The following RNGTT variants were observed in gnomAD, a reference collection of about 807,000 sequenced individuals.
RNGTT encodes RNA guanylyltransferase and 5'-phosphatase.
Under a neutral mutation model 79.3 loss-of-function variants are expected in RNGTT, and 33 were observed. The observed-to-expected ratio is 0.42, with a 90% CI of 0.32 to 0.56. The LOEUF is 0.56. Among genes scored for constraint, RNGTT ranks in the 20% least tolerant of loss-of-function variants. The pLI is 0.17. For missense variants in RNGTT, 497 were observed against 739.1 expected (o/e 0.67, Z 3.80); for synonymous variants, 222 against 235.9 (o/e 0.94, Z 0.54).
intron 12 of RNGTT, among the ~76,000 whole-genome samples, chr6:88,771,344 TATATATACAC>T (rs1215325397): frequency 2.1e-4 from 27 of 131,250 alleles, no homozygotes; most frequent in African/African-American, 6.4e-4. Flanking sequence ...TATATATATA[TATATATACAC>T]ACACACACAC....
chr6:88,660,549 T>TAAAAAAA (rs139978224), intron 14 of RNGTT, among the ~76,000 whole-genome samples: 3 of 144,220 alleles, frequency 2.1e-5, no homozygotes, highest in Non-Finnish European at 3.0e-5. Flanking sequence ...GCAACAATGG[T>TAAAAAAA]AAAAAAAAAG....
Position 88,700,643 on chromosome 6 carries a change from C to T in RNGTT, c.1440-22224G>A, listed in dbSNP as rs531984997. Among the ~76,000 whole-genome samples the T allele has an allele frequency of 1.4e-3, 213 of 152,184 alleles. 1 individual carries two copies. Among genetic ancestry groups the T allele is most frequent in the African/African-American group, 4.7e-3 (194 of 41,538 alleles). On this transcript the variant is annotated intron_variant, in intron 13 of 15. Coordinates refer to ENST00000369485, the MANE Select transcript of RNGTT (RefSeq NM_003800.5). ...GTAATCCATCCTAAGAGAGATGATT[C>T]ATAAATGGGGATTTCTAGGACCTTT... is the stretch of plus-strand genomic sequence containing the variant.
chr6:88,745,810 T>C (rs1777642021), intron 13 of RNGTT, among the ~76,000 whole-genome samples: 1 of 152,134 alleles, frequency 6.6e-6, no homozygotes, highest in Non-Finnish European at 1.5e-5. Flanking sequence ...GCCCTGGCTT[T>C]CAAAATAATA....
chr6:88,768,693 C>T (rs2127841398), intron 13 of RNGTT, among the ~76,000 whole-genome samples: 1 of 152,266 alleles, frequency 6.6e-6, no homozygotes, highest in African/African-American at 2.4e-5. Context: ...CTTTCTCTTT[C>T]TGATTTCCTT....
At chr6:88,931,267 G>A (rs1008476590) in intron 2 of RNGTT, among the ~76,000 whole-genome samples, 1 of 151,414 alleles carries the variant, frequency 6.6e-6, no homozygotes, top group African/African-American at 2.4e-5. Context: ...CTATTAAGCT[G>A]GAAATGCAAG....
intron 1 of RNGTT, among the ~76,000 whole-genome samples, chr6:88,945,067 T>C (rs1784962247): frequency 1.3e-5 from 2 of 152,258 alleles, no homozygotes; most frequent in Admixed American, 1.3e-4. Context: ...AAGATAGTCC[T>C]ACATCTTCAA....
At chr6:88,747,429 C>A (rs1400861114) in intron 13 of RNGTT, among the ~76,000 whole-genome samples, 1 of 152,100 alleles carries the variant, frequency 6.6e-6, no homozygotes, top group African/African-American at 2.4e-5. Context: ...CAGAACCATC[C>A]AGTGATATAG....
intron 14 of RNGTT, among the ~76,000 whole-genome samples, chr6:88,647,063 T>G (rs998056208): frequency 1.3e-4 from 19 of 149,792 alleles, no homozygotes; most frequent in African/African-American, 4.8e-4. Flanking sequence ...ATAAATAAAT[T>G]GAAAAATCAT....
intron 11 of RNGTT, among the ~76,000 whole-genome samples, chr6:88,838,538 G>A (rs1781158635): frequency 6.6e-6 from 1 of 152,038 alleles, no homozygotes; most frequent in African/African-American, 2.4e-5. Flanking sequence ...CAAAAAGTAT[G>A]AAATAAATCT....
rs1257197085 is a variant in RNGTT, at chr6:88,934,437, C to T, written c.175-5170G>A. 2.0e-5 allele frequency among the ~76,000 whole-genome samples: 3 copies of T among 152,108 alleles called. No individual in the cohort carries two copies. In the East Asian group the frequency reaches 5.8e-4, roughly 29 times the overall value. On this transcript the variant is annotated intron_variant, in intron 2 of 15. Transcript: ENST00000369485. ...GTTGAGCTTTTTTTCAGCATTTTTT[C>T]ATATATCTGTTGGCCATTTGTATGT...
intron 14 of RNGTT, among the ~76,000 whole-genome samples, chr6:88,647,715 A>AAAAAAAAAAAAG (rs531898293): frequency 1.4e-5 from 2 of 142,504 alleles, no homozygotes; most frequent in African/African-American, 6.0e-5. Context: ...AAAAAAAAAA[A>AAAAAAAAAAAAG]AAGAAGAAGA....
At chr6:88,949,161 A>AAAAAAAAAAAAAAAAAAAAAAATG (rs1785151033) in intron 1 of RNGTT, among the ~76,000 whole-genome samples, 1 of 79,850 alleles carries the variant, frequency 1.3e-5, no homozygotes, top group Non-Finnish European at 2.3e-5. Flanking sequence ...AATAAAATGA[A>AAAAAAAAAAAAAAAAAAAAAAATG]AAAAAAAAAA....
At chr6:88,768,292 G>C (rs1778534494) in intron 13 of RNGTT, among the ~76,000 whole-genome samples, 1 of 151,758 alleles carries the variant, frequency 6.6e-6, no homozygotes, top group South Asian at 2.1e-4. Flanking sequence ...GTTTGTTTTA[G>C]AAACAGGGCC....
At chr6:88,892,684 T>C (rs1783091006) in intron 6 of RNGTT, among the ~76,000 whole-genome samples, 1 of 152,098 alleles carries the variant, frequency 6.6e-6, no homozygotes, top group African/African-American at 2.4e-5. Flanking sequence ...TACAGTTCTT[T>C]TAAGGTCCAT....
Position 88,695,864 on chromosome 6 carries a change from T to G in RNGTT, c.1440-17445A>C, listed in dbSNP as rs572937981. 1.9e-3 allele frequency among the ~76,000 whole-genome samples: 290 copies of G among 152,280 alleles called. 4 individuals carry two copies. The highest frequency in any genetic ancestry group is 6.8e-3 in the African/African-American group (284 of 41,566). On this transcript the variant is annotated intron_variant, in intron 13 of 15. Coordinates refer to ENST00000369485, the MANE Select transcript of RNGTT (RefSeq NM_003800.5). ...CATTTGTGACAACATGGAAGAATCT[T>G]GAGGATGTTATGCTAAGTGAAATAA...
intron 4 of RNGTT, among the ~76,000 whole-genome samples, chr6:88,912,143 C>A (rs1295976611): frequency 1.3e-5 from 2 of 151,822 alleles, no homozygotes; most frequent in Admixed American, 1.3e-4. Flanking sequence ...TGGCTCATAC[C>A]TGTAATCCCA....
intron 6 of RNGTT, among the ~76,000 whole-genome samples, chr6:88,894,538 T>A (rs1352054643): frequency 6.6e-6 from 1 of 152,146 alleles, no homozygotes; most frequent in East Asian, 1.9e-4. Flanking sequence ...CTCTGCCCCA[T>A]TTACAAACAT....
intron 12 of RNGTT, among the ~76,000 whole-genome samples, chr6:88,791,126 G>A (rs1171211292): frequency 6.9e-6 from 1 of 144,958 alleles, no homozygotes; most frequent in Non-Finnish European, 1.5e-5. Flanking sequence ...AACCCTAAAT[G>A]CAATCACAAG....
chr6:88,895,229 C>G (rs200512549), intron 6 of RNGTT, among the ~76,000 whole-genome samples: 282 of 145,204 alleles, frequency 1.9e-3, no homozygotes, highest in East Asian at 8.1e-3. Flanking sequence ...AGAGAGAGCT[C>G]TGTGTGTGTG....
Sources: gnomAD v4.1 joint callset for allele counts (sites outside exome capture counted in the v4.1 genomes callset) on GRCh38, gnomAD v4.1.1 for gene constraint, MANE v1.5 for transcripts, NCBI Gene and HGNC (gene_info 2026-07-23, HGNC 2026-07-21) for gene names.